The following PDE1C variants were observed in gnomAD, a reference collection of about 807,000 sequenced individuals.
PDE1C encodes the protein phosphodiesterase 1C.
In PDE1C, 62 loss-of-function variants were observed where a neutral mutation model predicts 93.1. The observed-to-expected ratio is 0.67, with a 90% confidence interval of 0.54 to 0.82. The LOEUF is 0.82. Among genes scored for constraint, PDE1C ranks in the 40% least tolerant of loss-of-function variants. The pLI, the probability that PDE1C is intolerant of heterozygous loss-of-function variation, is 0.00. For missense variants in PDE1C, 742 were observed against 884.6 expected (o/e 0.84, Z 2.04); for synonymous variants, 325 against 310.1 (o/e 1.05, Z -0.50).
chr7:31,735,155 T>C, the PDE1C span, among the ~76,000 whole-genome samples: 1 of 152,096 alleles, frequency 6.6e-6, no homozygotes, highest in African/African-American at 2.4e-5. Context: ...TCCCAGCACT[T>C]TGGGAGGCTG....
intron 3 of PDE1C, among the ~76,000 whole-genome samples, chr7:32,094,434 G>T (rs895438758): frequency 1.3e-5 from 2 of 152,152 alleles, no homozygotes; most frequent in Non-Finnish European, 2.9e-5. Context: ...GTAGCGGAGG[G>T]TATGTGGATT....
At chr7:32,005,016 T>C (rs539156755) in intron 2 of PDE1C, among the ~76,000 whole-genome samples, 61 of 152,322 alleles carry the variant, frequency 4.0e-4, no homozygotes, top group African/African-American at 1.4e-3. Flanking sequence ...ATGAAATGGA[T>C]AAAACATTGC....
At chr7:31,781,272 G>A (rs1386780445) in intron 16 of PDE1C, among the ~76,000 whole-genome samples, 2 of 152,156 alleles carry the variant, frequency 1.3e-5, no homozygotes, top group African/African-American at 2.4e-5. Flanking sequence ...ATGCCTGCTG[G>A]AGAAAGGGTG....
intron 3 of PDE1C, among the ~76,000 whole-genome samples, chr7:32,127,688 A>G (rs531757478): frequency 2.6e-4 from 39 of 152,220 alleles, no homozygotes; most frequent in African/African-American, 9.4e-4. Context: ...AAAATATAAA[A>G]TGCCTAGAAA....
intron 2 of PDE1C, among the ~76,000 whole-genome samples, chr7:31,983,845 A>G (rs1458047680): frequency 1.3e-5 from 2 of 152,292 alleles, no homozygotes; most frequent in African/African-American, 2.4e-5. Context: ...AGACGGCAAC[A>G]TGAGAGCATC....
chr7:31,689,706 A>T, the PDE1C span, among the ~76,000 whole-genome samples: 2 of 151,488 alleles, frequency 1.3e-5, no homozygotes, highest in African/African-American at 4.9e-5. Context: ...CCAACACTAA[A>T]CTCCAAATGT....
At chr7:32,027,607 TAAA>T (rs551660766) in intron 2 of PDE1C, among the ~76,000 whole-genome samples, 43 of 78,426 alleles carry the variant, frequency 5.5e-4, no homozygotes, top group Admixed American at 7.7e-4. Context: ...TCAAAAATGG[TAAA>T]AAAAAAAAAA....
chr7:32,379,196 G>C (rs1784487753), intron 1 of PDE1C, among the ~76,000 whole-genome samples: 1 of 152,142 alleles, frequency 6.6e-6, no homozygotes, highest in Non-Finnish European at 1.5e-5. Flanking sequence ...TCACTGTACT[G>C]TGACACCCTT....
chr7:32,241,978 G>T (rs1808574751), intron 1 of PDE1C, among the ~76,000 whole-genome samples: 1 of 152,130 alleles, frequency 6.6e-6, no homozygotes, highest in South Asian at 2.1e-4. Context: ...TAAGAATCAA[G>T]GTCATCAGCA....
chr7:31,996,293 G>A (rs1275013945), intron 2 of PDE1C, among the ~76,000 whole-genome samples: 3 of 144,646 alleles, frequency 2.1e-5, no homozygotes, highest in African/African-American at 7.5e-5. Flanking sequence ...CCAGCCCCAA[G>A]CTAGAACAGT....
At chr7:31,816,560 CA>C (rs754754725) in intron 14 of PDE1C, among the ~76,000 whole-genome samples, 6 of 152,018 alleles carry the variant, frequency 3.9e-5, no homozygotes, top group Non-Finnish European at 7.4e-5. Context: ...CTCAATTTGA[CA>C]AATGTGGAAA....
At chr7:32,139,801 C>T (rs1269356681) in intron 3 of PDE1C, among the ~76,000 whole-genome samples, 3 of 152,134 alleles carry the variant, frequency 2.0e-5, no homozygotes, top group Admixed American at 1.3e-4. Flanking sequence ...GGTTCCTCCT[C>T]CTTAACGAAG....
rs530620942 is a variant in PDE1C, at chr7:31,917,607, GA to G, written c.129-36748del. 6.1e-5 allele frequency among the ~76,000 whole-genome samples: 9 copies of G among 146,378 alleles called. 1 individual carries two copies. In the South Asian group the frequency reaches 6.5e-4, roughly 11 times the overall value. On this transcript the variant is annotated intron_variant, in intron 2 of 17. Transcript: ENST00000396191. ...TTGCTTTTTCTTATAGCAACTGAAT[GA>G]AAAAAAAAACTGAACTAACAAGAGA...
At chr7:32,393,489 T>G (rs1304765617) in intron 1 of PDE1C, among the ~76,000 whole-genome samples, 1 of 152,194 alleles carries the variant, frequency 6.6e-6, no homozygotes, top group African/African-American at 2.4e-5. Context: ...TATCATTTAA[T>G]TATTTTTATA....
intron 3 of PDE1C, among the ~76,000 whole-genome samples, chr7:32,121,508 C>A (rs980907032): frequency 2.6e-5 from 4 of 152,086 alleles, no homozygotes; most frequent in African/African-American, 9.7e-5. Context: ...CATAGGGAAG[C>A]CTAACAGACT....
At chr7:32,312,658 A>T (rs1039817057) in intron 1 of PDE1C, among the ~76,000 whole-genome samples, 1 of 152,222 alleles carries the variant, frequency 6.6e-6, no homozygotes, top group African/African-American at 2.4e-5. Context: ...TGGGGAAAGG[A>T]TTCCCTATTT....
chr7:32,036,180 CAAGA>C (rs1791062699), intron 2 of PDE1C, among the ~76,000 whole-genome samples: 1 of 152,150 alleles, frequency 6.6e-6, no homozygotes, highest in Admixed American at 6.5e-5. Context: ...ACCACATACG[CAAGA>C]AACAAGGATG....
chr7:32,294,946 T>A (rs927314819), intron 1 of PDE1C, among the ~76,000 whole-genome samples: 1 of 152,254 alleles, frequency 6.6e-6, no homozygotes, highest in African/African-American at 2.4e-5. Context: ...AGTCAGCACT[T>A]CTGAATGTGA....
chr7:31,906,931 C>A (rs754184633), intron 2 of PDE1C, among the ~76,000 whole-genome samples: 1 of 152,086 alleles, frequency 6.6e-6, no homozygotes, highest in Admixed American at 6.6e-5. Context: ...TATGTGTGCA[C>A]GAATGCACGT....
Sources: gnomAD v4.1 joint callset for allele counts (sites outside exome capture counted in the v4.1 genomes callset) on GRCh38, gnomAD v4.1.1 for gene constraint, MANE v1.5 for transcripts, NCBI Gene and HGNC (gene_info 2026-07-23, HGNC 2026-07-21) for gene names.